ITPK1: variants seen among roughly 807,000 people sequenced by gnomAD.
ITPK1 encodes inositol-tetrakisphosphate 1-kinase.
Under a neutral mutation model 45.3 loss-of-function variants are expected in ITPK1, and 21 were observed. The observed-to-expected ratio is 0.46, with a 90% CI of 0.33 to 0.67. The LOEUF is 0.67. ITPK1 is among the 30% of genes least tolerant of loss of function. The probability of loss-of-function intolerance (pLI) is 0.02; values close to 1 mark genes in which losing one functional copy is unlikely to be tolerated. For missense variants in ITPK1, 474 were observed against 573.5 expected, an observed-to-expected ratio of 0.83 and a Z score of 1.77; for synonymous variants, 258 against 253.6, an observed-to-expected ratio of 1.02 and a Z score of -0.16.
intron 3 of ITPK1, among the ~76,000 whole-genome samples, chr14:93,075,129 T>A (rs1457759313): frequency 1.3e-5 from 2 of 151,444 alleles, no homozygotes; most frequent in Admixed American, 1.3e-4. Flanking sequence ...GAGTTCAAGA[T>A]CAGCCTGAGG....
intron 3 of ITPK1, among the ~76,000 whole-genome samples, chr14:93,029,034 G>A (rs891096955): frequency 5.9e-5 from 9 of 152,304 alleles, no homozygotes; most frequent in African/African-American, 1.9e-4. Flanking sequence ...ATGCCCAGTT[G>A]TTCTAGAAAC....
chr14:93,095,501 C>T (rs370179400), intron 2 of ITPK1, among the ~76,000 whole-genome samples: 24 of 137,902 alleles, frequency 1.7e-4, no homozygotes, highest in African/African-American at 6.3e-4. Context: ...GTAATGAAGC[C>T]GCTCCAGGAC....
At chr14:93,001,874 C>A (rs1887373039) in intron 4 of ITPK1, among the ~76,000 whole-genome samples, 1 of 152,192 alleles carries the variant, frequency 6.6e-6, no homozygotes, top group African/African-American at 2.4e-5. Context: ...CCGGGTGAAA[C>A]CCTGGAAGTC....
intron 3 of ITPK1, among the ~76,000 whole-genome samples, chr14:93,035,726 G>A (rs749375940): frequency 6.6e-6 from 1 of 152,216 alleles, no homozygotes; most frequent in Non-Finnish European, 1.5e-5. Context: ...CCAGGGCCTG[G>A]TGCCCGACAG....
rs1416830913 is a variant in ITPK1 at position 92,940,838 on chromosome 14, G to T, written c.*723C>A. On this transcript the variant is annotated 3_prime_UTR_variant, in exon 11 of 11. Transcript: ENST00000267615. ...CCTCCTTCCCGGGCTCCAGGGAGCA[G>T]CAGTGCTGGCTTAGGGGAAGGAGAC... is the stretch of plus-strand genomic sequence containing the variant. 3 of 1,287,278 alleles carry T rather than the reference G, an allele frequency of 2.3e-6. No individual in the cohort carries two copies. The African/African-American group carries it at 4.6e-5, about 20-fold the overall frequency. 79.7% of individuals were successfully genotyped at this position (1,287,278 alleles called of 1,614,324 possible).
chr14:92,983,459 G>C (rs1886326533), intron 5 of ITPK1, among the ~76,000 whole-genome samples: 1 of 152,032 alleles, frequency 6.6e-6, no homozygotes, highest in South Asian at 2.1e-4. Context: ...TTTAACAATG[G>C]GACAATTTTC....
At position 92,941,373 on chromosome 14, in the gene ITPK1, C is replaced by T; in HGVS notation, c.*188G>A. Reference sequence around the variant, plus strand: ...GGCCCCACTCCCCAACGGTGGACCACCTGGTACTCTCTTCCATCCCCCACT... The same window carrying T: ...GGCCCCACTCCCCAACGGTGGACCATCTGGTACTCTCTTCCATCCCCCACT... On this transcript the variant is annotated 3_prime_UTR_variant, in exon 11 of 11. Coordinates refer to ENST00000267615, the MANE Select transcript of ITPK1 (RefSeq NM_014216.6). 7.1e-7 allele frequency: 1 copy of T among 1,416,588 alleles called. No individual in the cohort carries two copies. The highest frequency in any genetic ancestry group is 1.5e-5 in the African/African-American group (1 of 67,936). 87.8% of individuals were successfully genotyped at this position (1,416,588 alleles called of 1,614,324 possible).
chr14:92,999,155 G>A (rs978101693), intron 4 of ITPK1, among the ~76,000 whole-genome samples: 3 of 152,234 alleles, frequency 2.0e-5, no homozygotes, highest in Non-Finnish European at 4.4e-5. Flanking sequence ...AGGAGAGCCT[G>A]TGCGTGACCC....
chr14:92,952,936 G>T (rs999795415), intron 8 of ITPK1, among the ~76,000 whole-genome samples: 1 of 152,318 alleles, frequency 6.6e-6, no homozygotes, highest in East Asian at 1.9e-4. Flanking sequence ...ACCATCCCAC[G>T]ACTTCCCCCA....
At chr14:92,962,455 G>A (rs558428114) in intron 6 of ITPK1, 60 bp from the exon 7 acceptor site, 1 of 1,153,810 alleles carries the variant, frequency 8.7e-7, no homozygotes, top group Admixed American at 1.7e-5. Flanking sequence ...CCACAAGGCA[G>A]GTACTTGGCA....
rs1205273316 is a variant in ITPK1, at chr14:92,951,870, C to A, written c.738+76G>T. The A allele has an allele frequency of 1.1e-5, 13 of 1,199,140 alleles. No individual in the cohort carries two copies. In the East Asian group the frequency reaches 2.8e-4, roughly 26 times the overall value. 74.3% of individuals were successfully genotyped at this position (1,199,140 alleles called of 1,614,324 possible). A position where few individuals can be genotyped will look rare whatever the true frequency, so the allele number is the denominator to read the frequency against. On this transcript the variant is annotated intron_variant, in intron 9 of 10. Coordinates refer to ENST00000267615, the MANE Select transcript of ITPK1 (RefSeq NM_014216.6). ...CTGCTGGAGAGCTTGGCCAAGGACC[C>A]CATGGCCACAGCAGCCCACACCTAG...
At chr14:93,100,011 C>T (rs1006170401) in intron 2 of ITPK1, among the ~76,000 whole-genome samples, 5 of 152,218 alleles carry the variant, frequency 3.3e-5, no homozygotes, top group African/African-American at 9.7e-5. Flanking sequence ...ACAGGGAGCA[C>T]GTCCACTCCC....
intron 8 of ITPK1, 145 bp from the exon 9 acceptor site, chr14:92,952,158 G>C (rs1229588267): frequency 1.6e-5 from 11 of 676,876 alleles, no homozygotes; most frequent in Non-Finnish European, 2.9e-5. Context: ...AGCAAGCTGG[G>C]CACCAGCCCT....
At chr14:92,970,291 C>T (rs1014571679) in intron 5 of ITPK1, among the ~76,000 whole-genome samples, 1 of 152,216 alleles carries the variant, frequency 6.6e-6, no homozygotes, top group Non-Finnish European at 1.5e-5. Flanking sequence ...TCTGCTGAGC[C>T]TTGCTTTCCT....
intron 3 of ITPK1, among the ~76,000 whole-genome samples, chr14:93,042,214 G>T (rs1388243772): frequency 1.3e-5 from 2 of 152,200 alleles, no homozygotes; most frequent in Non-Finnish European, 2.9e-5. Flanking sequence ...TTCTGACACA[G>T]GTACAGCAAA....
chr14:93,025,986 CTGG>C (rs1888713373), intron 3 of ITPK1, among the ~76,000 whole-genome samples: 1 of 152,146 alleles, frequency 6.6e-6, no homozygotes, highest in Non-Finnish European at 1.5e-5. Flanking sequence ...ATTAGCCGGG[CTGG>C]TGGTGCACAC....
At chr14:92,988,483 C>T (rs1001207698) in intron 5 of ITPK1, among the ~76,000 whole-genome samples, 2 of 152,194 alleles carry the variant, frequency 1.3e-5, no homozygotes, top group African/African-American at 4.8e-5. Context: ...TGGCTGCCCT[C>T]AAGTATCATT....
intron 3 of ITPK1, among the ~76,000 whole-genome samples, chr14:93,024,195 C>G (rs1888615943): frequency 6.6e-6 from 1 of 152,174 alleles, no homozygotes; most frequent in African/African-American, 2.4e-5. Context: ...GTTGCCAGGC[C>G]TGGAGGAAGG....
At chr14:93,010,954 G>A (rs576298345) in intron 4 of ITPK1, among the ~76,000 whole-genome samples, 23 of 151,816 alleles carry the variant, frequency 1.5e-4, no homozygotes, top group South Asian at 1.0e-3. Context: ...CACAGTAAGC[G>A]TGGCTGACTG....
Sources: allele counts gnomAD v4.1 joint callset (sites outside exome capture counted in the v4.1 genomes callset), GRCh38; gene constraint gnomAD v4.1.1; transcripts MANE v1.5; gene names NCBI Gene and HGNC (gene_info 2026-07-23, HGNC 2026-07-21).